The following FTCDNL1 variants were observed in gnomAD, a reference collection of about 807,000 sequenced individuals.
The protein encoded by FTCDNL1 is formiminotransferase cyclodeaminase N-terminal like.
A neutral mutation model predicts 5.9 loss-of-function variants in FTCDNL1; 11 were observed. That is an observed-to-expected ratio of 1.87 (90% confidence interval 1.18 to 3.10). The LOEUF is 3.10. Ranked by LOEUF, FTCDNL1 falls within the 30% of genes most tolerant of loss-of-function variation. The pLI is 0.00. For missense variants in FTCDNL1, 115 were observed against 65.5 expected (o/e 1.76, Z -2.61); for synonymous variants, 58 against 24.8 (o/e 2.34, Z -3.99).
At chr2:199,777,812 T>G (rs1699168882) in intron 3 of FTCDNL1, among the ~76,000 whole-genome samples, 1 of 152,080 alleles carries the variant, frequency 6.6e-6, no homozygotes, top group Non-Finnish European at 1.5e-5. Context: ...GAGGTTCATG[T>G]GGCCTGAACC....
At chr2:199,732,625 GA>G in the FTCDNL1 span, among the ~76,000 whole-genome samples, 18,710 of 148,400 alleles carry the variant, frequency 0.13, 1,428 homozygotes, top group Middle Eastern at 0.3. Flanking sequence ...ATCACTGAAT[GA>G]AAAAAAAAAG....
At chr2:199,764,303 C>T (rs1020242010) in intron 3 of FTCDNL1, among the ~76,000 whole-genome samples, 2 of 152,186 alleles carry the variant, frequency 1.3e-5, no homozygotes, top group African/African-American at 4.8e-5. Context: ...ATTATTACCC[C>T]CATTCTGCCG....
the FTCDNL1 span, among the ~76,000 whole-genome samples, chr2:199,723,089 A>G: frequency 6.6e-6 from 1 of 151,226 alleles, no homozygotes; most frequent in East Asian, 1.9e-4. Context: ...TGCATTAGCT[A>G]TTTTTTCTGA....
chr2:199,807,494 G>A (rs1164430458), downstream of FTCDNL1, among the ~76,000 whole-genome samples: 2 of 151,758 alleles, frequency 1.3e-5, no homozygotes, highest in East Asian at 3.9e-4. Context: ...AAAAATAGCT[G>A]AGTGTGATGA....
the FTCDNL1 span, among the ~76,000 whole-genome samples, chr2:199,753,057 G>C: frequency 1.3e-5 from 2 of 152,126 alleles, no homozygotes; most frequent in Non-Finnish European, 2.9e-5. Context: ...ATGGGCACAT[G>C]GTGGGGAGTG....
intron 3 of FTCDNL1, among the ~76,000 whole-genome samples, chr2:199,843,800 G>A (rs1308342731): frequency 6.6e-6 from 1 of 152,110 alleles, no homozygotes; most frequent in Admixed American, 6.6e-5. Context: ...CCAGGCAAAA[G>A]GTCTTTCTTT....
At position 199,846,204 on chromosome 2, in the gene FTCDNL1, T is replaced by C. The variant is rs1197141689; in HGVS notation, c.116-34A>G. 7.5e-6 allele frequency: 5 copies of C among 663,798 alleles called. No individual in the cohort carries two copies. The African/African-American group carries it at 9.1e-5, about 12-fold the overall frequency. 41.1% of individuals were successfully genotyped at this position (663,798 alleles called of 1,614,324 possible). A position where few individuals can be genotyped will look rare whatever the true frequency, so the allele number is the denominator to read the frequency against. On this transcript the variant is annotated intron_variant, in intron 2 of 4. Transcript: ENST00000420128. ...AAAACAAGACAGAAGTGCAAGAATT[T>C]TTTTTCTGTGATAAAACCTTAATAG...
chr2:199,824,456 T>A (rs1431933808), intron 3 of FTCDNL1, among the ~76,000 whole-genome samples: 1 of 152,238 alleles, frequency 6.6e-6, no homozygotes, highest in Non-Finnish European at 1.5e-5. Context: ...GTGTTCACTG[T>A]AGTAACACTT....
At chr2:199,714,579 G>A in the FTCDNL1 span, among the ~76,000 whole-genome samples, 1 of 152,130 alleles carries the variant, frequency 6.6e-6, no homozygotes, top group East Asian at 1.9e-4. Context: ...CATTGCCTAC[G>A]TGTAAATTTT....
intron 3 of FTCDNL1, among the ~76,000 whole-genome samples, chr2:199,777,483 A>G (rs1021497243): frequency 2.6e-5 from 4 of 152,152 alleles, no homozygotes; most frequent in Non-Finnish European, 5.9e-5. Context: ...GTCTTTTTCT[A>G]TTAAAGTCTT....
chr2:199,799,946 C>T (rs1429300457), intron 3 of FTCDNL1, among the ~76,000 whole-genome samples: 1 of 151,736 alleles, frequency 6.6e-6, no homozygotes, highest in African/African-American at 2.4e-5. Context: ...CACTGAATAC[C>T]CAGAGTTTCC....
At chr2:199,839,959 A>C (rs11680333) in intron 3 of FTCDNL1, among the ~76,000 whole-genome samples, 48,857 of 152,008 alleles carry the variant, frequency 0.32, 8,689 homozygotes, top group East Asian at 0.47. Flanking sequence ...ATAAACCAAG[A>C]AAGTCAAAAA....
intron 3 of FTCDNL1, among the ~76,000 whole-genome samples, chr2:199,775,940 G>A (rs1330807628): frequency 7.0e-6 from 1 of 142,234 alleles, no homozygotes; most frequent in Non-Finnish European, 1.5e-5. Flanking sequence ...TTGAGACGGA[G>A]TCTCGCTCTG....
At chr2:199,664,811 T>C in the FTCDNL1 span, among the ~76,000 whole-genome samples, 1 of 152,160 alleles carries the variant, frequency 6.6e-6, no homozygotes, top group Non-Finnish European at 1.5e-5. Context: ...CTATAACATA[T>C]AACAGTGTCA....
In FTCDNL1 at chr2:199,812,668, G is replaced by C. The variant is rs1559210718; in HGVS notation, c.*37C>G. 1 of 697,066 alleles carries C rather than the reference G, an allele frequency of 1.4e-6. No individual in the cohort carries two copies. The highest frequency in any genetic ancestry group is 2.6e-6 in the Non-Finnish European group (1 of 382,784). 43.2% of individuals were successfully genotyped at this position (697,066 alleles called of 1,614,324 possible). A position where few individuals can be genotyped will look rare whatever the true frequency, so the allele number is the denominator to read the frequency against. ...TGGTGGCAGCACGGATCCCCTCACT[G>C]CAAGGCTGAAATTCCAATTTTCTTC... On this transcript the variant is annotated 3_prime_UTR_variant, in exon 5 of 5. Coordinates refer to ENST00000420128, the MANE Select transcript of FTCDNL1 (RefSeq NM_001363886.2).
intron 1 of FTCDNL1, among the ~76,000 whole-genome samples, chr2:199,850,074 GA>G (rs1378470588): frequency 6.6e-6 from 1 of 152,182 alleles, no homozygotes; most frequent in Non-Finnish European, 1.5e-5. Flanking sequence ...TGTTCGCCAG[GA>G]TCATTCGTTG....
At chr2:199,829,336 T>C (rs777271369) in intron 3 of FTCDNL1, among the ~76,000 whole-genome samples, 1 of 152,238 alleles carries the variant, frequency 6.6e-6, no homozygotes, top group Non-Finnish European at 1.5e-5. Flanking sequence ...TTAACCTTCG[T>C]GTTTGGCTGA....
the FTCDNL1 span, among the ~76,000 whole-genome samples, chr2:199,742,138 G>A: frequency 1.3e-5 from 2 of 151,624 alleles, no homozygotes; most frequent in Admixed American, 1.3e-4. Flanking sequence ...CTTCTGCCTA[G>A]AGCATCCTGG....
At chr2:199,815,922 C>T (rs192830773) in intron 4 of FTCDNL1, among the ~76,000 whole-genome samples, 148 of 152,076 alleles carry the variant, frequency 9.7e-4, no homozygotes, top group Admixed American at 1.4e-3. Context: ...ATCGCTTGAA[C>T]CCAGGAGGCG....
Sources: gnomAD v4.1 joint callset for allele counts (sites outside exome capture counted in the v4.1 genomes callset) on GRCh38, gnomAD v4.1.1 for gene constraint, MANE v1.5 for transcripts, NCBI Gene and HGNC (gene_info 2026-07-23, HGNC 2026-07-21) for gene names.